Variants in CNTNAP2 observed in about 807,000 individuals in gnomAD.
CNTNAP2 encodes contactin-associated protein-like 2.
A neutral mutation model predicts 155.2 loss-of-function variants in CNTNAP2; 98 were observed. The ratio of observed to expected loss-of-function variants is 0.63; its 90% CI spans 0.54 to 0.75. The LOEUF (loss-of-function observed/expected upper bound fraction) is 0.75. Ranked by LOEUF, CNTNAP2 falls within the 30% of genes least tolerant of loss-of-function variation. The pLI is 0.00. For synonymous variants in CNTNAP2, 651 were observed against 631.2 expected (o/e 1.03, Z -0.47); for missense variants, 1,727 against 1,688.1 (o/e 1.02, Z -0.40).
intron 3 of CNTNAP2, among the ~76,000 whole-genome samples, chr7:146,936,131 C>G (rs773935967): frequency 8.5e-5 from 13 of 152,216 alleles, no homozygotes; most frequent in Non-Finnish European, 1.3e-4. Flanking sequence ...CATTAAGGCC[C>G]TAAAGTTTGG....
At chr7:148,267,785 G>A (rs1329371110) in intron 21 of CNTNAP2, among the ~76,000 whole-genome samples, 1 of 152,144 alleles carries the variant, frequency 6.6e-6, no homozygotes, top group Admixed American at 6.5e-5. Context: ...CCAAGCGAAG[G>A]CAAATCTGCT....
In CNTNAP2 at chr7:146,744,227, CAAAAAAAAAAAA is replaced by C. The variant is rs60606492; in HGVS notation, c.98-30031_98-30020del. Among the ~76,000 whole-genome samples the C allele has an allele frequency of 2.5e-4, 12 of 48,162 alleles. No homozygotes were observed. In the South Asian group the frequency reaches 7.9e-3, roughly 32 times the overall value. The allele number at this position is 48,162 out of a possible 152,430, so 31.6% of individuals were successfully genotyped here. On this transcript the variant is annotated intron_variant, in intron 1 of 23. Transcript: ENST00000361727. The stretch of plus-strand genomic sequence containing the variant: ...TGGGTGACAAAGTGACACTCTGTCT[CAAAAAAAAAAAA>C]AAAAAAAAAAAAGCATTTAGATTTA...
chr7:147,108,643 T>A (rs1187767698), intron 5 of CNTNAP2, among the ~76,000 whole-genome samples: 2 of 152,194 alleles, frequency 1.3e-5, no homozygotes, highest in African/African-American at 4.8e-5. Flanking sequence ...AATCAGACCA[T>A]ATAGCATTTA....
chr7:147,635,243 A>G (rs189965266), intron 12 of CNTNAP2, among the ~76,000 whole-genome samples: 1 of 148,464 alleles, frequency 6.7e-6, no homozygotes, highest in East Asian at 1.9e-4. Context: ...TTTTTCCGCC[A>G]CTAGAATGGA....
intron 13 of CNTNAP2, among the ~76,000 whole-genome samples, chr7:147,859,732 G>A (rs964403205): frequency 6.6e-6 from 1 of 152,074 alleles, no homozygotes; most frequent in African/African-American, 2.4e-5. Context: ...GTACAATGGG[G>A]CTTCTTCTCA....
chr7:146,993,398 A>C (rs543359213), intron 3 of CNTNAP2, among the ~76,000 whole-genome samples: 1 of 152,172 alleles, frequency 6.6e-6, no homozygotes, highest in Admixed American at 6.5e-5. Flanking sequence ...AAGGTCATAT[A>C]ACAAGTAAAC....
chr7:147,742,828 A>AAAAG (rs1181075152), intron 13 of CNTNAP2, among the ~76,000 whole-genome samples: 1 of 152,196 alleles, frequency 6.6e-6, no homozygotes, highest in Non-Finnish European at 1.5e-5. Flanking sequence ...AGCAAGAGAA[A>AAAAG]AAAGAGACTT....
chr7:147,748,607 A>T (rs1302349708), intron 13 of CNTNAP2, among the ~76,000 whole-genome samples: 1 of 152,168 alleles, frequency 6.6e-6, no homozygotes, highest in Non-Finnish European at 1.5e-5. Context: ...TTCTCCCTGC[A>T]CCTCAGGTCT....
At chr7:147,322,059 T>C (rs189240783) in intron 9 of CNTNAP2, among the ~76,000 whole-genome samples, 7 of 152,278 alleles carry the variant, frequency 4.6e-5, no homozygotes, top group Admixed American at 1.3e-4. Flanking sequence ...TTATATTTAG[T>C]ACAAGCAAAT....
At chr7:146,573,640 C>T (rs1351088753) in intron 1 of CNTNAP2, among the ~76,000 whole-genome samples, 1 of 152,120 alleles carries the variant, frequency 6.6e-6, no homozygotes, top group Non-Finnish European at 1.5e-5. Context: ...TGCATAAAGA[C>T]CTAAGAATGA....
rs1407103908 is a variant in CNTNAP2, at chr7:146,447,395, T to C, written c.98-326876T>C. On this transcript the variant is annotated intron_variant, in intron 1 of 23. Coordinates refer to ENST00000361727, the MANE Select transcript of CNTNAP2 (RefSeq NM_014141.6). ...CAGCAATGCATTAGTATTTGCCAAATTATGAGTGACCCTTCTAAAGGCTAT... is the reference window on the plus strand; with the variant it reads ...CAGCAATGCATTAGTATTTGCCAAACTATGAGTGACCCTTCTAAAGGCTAT... Among the ~76,000 whole-genome samples the C allele has an allele frequency of 3.3e-5, 5 of 152,044 alleles. No individual in the cohort carries two copies. The East Asian group carries it at 9.6e-4, about 29-fold the overall frequency.
intron 13 of CNTNAP2, among the ~76,000 whole-genome samples, chr7:147,794,808 G>T (rs1217995391): frequency 6.6e-6 from 1 of 151,424 alleles, no homozygotes; most frequent in African/African-American, 2.4e-5. Context: ...TTCTTTCTGG[G>T]TCAGTTTTGG....
intron 1 of CNTNAP2, among the ~76,000 whole-genome samples, chr7:146,584,692 C>G (rs1245641422): frequency 6.6e-6 from 1 of 152,174 alleles, no homozygotes; most frequent in Non-Finnish European, 1.5e-5. Context: ...GGCCCTGCCC[C>G]TACATTTCCC....
chr7:147,992,087 C>CTTTTTTTTT lies in CNTNAP2; in HGVS notation c.2383+14115_2383+14123dup, dbSNP rs36015914. On this transcript the variant is annotated intron_variant, in intron 15 of 23. Coordinates refer to ENST00000361727, the MANE Select transcript of CNTNAP2 (RefSeq NM_014141.6). ...AAACATAAGATTTGTATTACTACCT[C>CTTTTTTTTT]TTTTTTTTTTTTTTTTTTTTTTTTT... 3.6e-4 allele frequency among the ~76,000 whole-genome samples: 26 copies of CTTTTTTTTT among 72,770 alleles called. 2 individuals carry two copies. The highest frequency in any genetic ancestry group is 9.8e-4 in the African/African-American group (17 of 17,434). 47.7% of individuals were successfully genotyped at this position (72,770 alleles called of 152,430 possible).
chr7:147,018,179 T>C (rs1352278022), intron 3 of CNTNAP2, among the ~76,000 whole-genome samples: 2 of 152,116 alleles, frequency 1.3e-5, no homozygotes, highest in Admixed American at 6.6e-5. Context: ...TAATTTATCT[T>C]ACTAAACTCT....
intron 1 of CNTNAP2, among the ~76,000 whole-genome samples, chr7:146,729,755 A>C (rs1309438368): frequency 6.6e-6 from 1 of 152,082 alleles, no homozygotes; most frequent in Non-Finnish European, 1.5e-5. Context: ...TTCTATGCAA[A>C]ATGTGAAAGG....
intron 1 of CNTNAP2, among the ~76,000 whole-genome samples, chr7:146,731,935 C>CTATA (rs978161459): frequency 2.1e-5 from 3 of 145,824 alleles, no homozygotes; most frequent in East Asian, 3.9e-4. Context: ...CATTTTTTGT[C>CTATA]TATATATATA....
At chr7:147,278,699 GAAAT>G (rs924636518) in intron 8 of CNTNAP2, among the ~76,000 whole-genome samples, 27 of 151,172 alleles carry the variant, frequency 1.8e-4, no homozygotes, top group South Asian at 4.2e-4. Flanking sequence ...ATAATTATTG[GAAAT>G]AAATAAAAGC....
At chr7:147,364,044 T>C (rs1035229811) in intron 9 of CNTNAP2, among the ~76,000 whole-genome samples, 2 of 152,172 alleles carry the variant, frequency 1.3e-5, no homozygotes, top group African/African-American at 4.8e-5. Flanking sequence ...AGAAAAGAAA[T>C]GCACATCAAG....
Sources: gnomAD v4.1 joint callset for allele counts (sites outside exome capture counted in the v4.1 genomes callset) on GRCh38, gnomAD v4.1.1 for gene constraint, MANE v1.5 for transcripts, NCBI Gene and HGNC (gene_info 2026-07-23, HGNC 2026-07-21) for gene names.